The following MTSS1 variants were observed in gnomAD, a reference collection of about 807,000 sequenced individuals.
MTSS1 encodes protein MTSS 1.
A neutral mutation model predicts 79.0 loss-of-function variants in MTSS1; 18 were observed. That is an observed-to-expected ratio of 0.23 (90% CI 0.16 to 0.34). The LOEUF (loss-of-function observed/expected upper bound fraction) is 0.34. Among genes scored for constraint, MTSS1 ranks in the 10% least tolerant of loss-of-function variants. The probability of loss-of-function intolerance (pLI) is 1.00; values close to 1 mark genes in which losing one functional copy is unlikely to be tolerated. For missense variants in MTSS1, 815 were observed against 986.2 expected, an observed-to-expected ratio of 0.83 and a Z score of 2.33; for synonymous variants, 341 against 368.6, an observed-to-expected ratio of 0.93 and a Z score of 0.86.
chr8:124,727,781 A>C lies in MTSS1; in HGVS notation c.72+103T>G. Reference sequence around the variant, plus strand: ...GCTCCCGCAGGTGGCCGGTGGCCACACTGCAGGGAAGGGCCGGGTGCCCGG... The same window carrying C: ...GCTCCCGCAGGTGGCCGGTGGCCACCCTGCAGGGAAGGGCCGGGTGCCCGG... On this transcript the variant is annotated intron_variant, in intron 1 of 13. Transcript: ENST00000518547. The surrounding 1 kb of genome is among the most constrained non-coding windows in gnomAD (Gnocchi z 4.7). 1.6e-5 allele frequency: 15 copies of C among 958,716 alleles called. No homozygotes were observed. The highest frequency in any genetic ancestry group is 3.8e-5 in the South Asian group (2 of 53,280). 59.4% of individuals were successfully genotyped at this position (958,716 alleles called of 1,614,324 possible). A position where few individuals can be genotyped will look rare whatever the true frequency, so the allele number is the denominator to read the frequency against.
intron 3 of MTSS1, among the ~76,000 whole-genome samples, chr8:124,610,001 G>C (rs1835516920): frequency 6.6e-6 from 1 of 152,160 alleles, no homozygotes; most frequent in Middle Eastern, 3.2e-3. Flanking sequence ...GGACCATAAA[G>C]CTGTGAGCTC....
chr8:124,558,571 C>T, intron 10 of MTSS1: 3 of 1,228,802 alleles, frequency 2.4e-6, no homozygotes, highest in African/African-American at 1.5e-5. Flanking sequence ...TCAGCCTTGT[C>T]CCACCCTCTG....
intron 1 of MTSS1, among the ~76,000 whole-genome samples, chr8:124,725,971 AAAAC>A (rs1441358179): frequency 6.7e-6 from 1 of 148,330 alleles, no homozygotes; most frequent in Non-Finnish European, 1.5e-5. Flanking sequence ...TTTTACTGCC[AAAAC>A]AAACAAACCA....
chr8:124,711,435 T>C (rs535021953), intron 1 of MTSS1, among the ~76,000 whole-genome samples: 38 of 152,258 alleles, frequency 2.5e-4, no homozygotes, highest in Admixed American at 6.5e-5. Flanking sequence ...GGATGCCAGA[T>C]CTGACTTTGC....
In MTSS1 at chr8:124,647,604, T is replaced by TAA. The variant is rs11394288; in HGVS notation, c.208+51920_208+51921dup. ...ATCCTCAATAAAGCATGTTCTAATA[T>TAA]AAAAAAAAAGATGTGTGGCATGTTG... On this transcript the variant is annotated intron_variant, in intron 3 of 13. Coordinates refer to ENST00000518547, the MANE Select transcript of MTSS1 (RefSeq NM_014751.6). 5.6e-3 allele frequency among the ~76,000 whole-genome samples: 845 copies of TAA among 151,342 alleles called. 7 individuals are homozygous for TAA. Among genetic ancestry groups the TAA allele is most frequent in the African/African-American group, 0.017 (705 of 41,194 alleles).
In MTSS1 at chr8:124,551,301, T is replaced by C. The variant is rs143079122; in HGVS notation, c.*1691A>G. 1 of 152,822 alleles carries C rather than the reference T, an allele frequency of 6.5e-6. No individual in the cohort carries two copies. The highest frequency in any genetic ancestry group is 2.4e-5 in the African/African-American group (1 of 41,596). The allele number at this position is 152,822 out of a possible 1,614,324, so 9.5% of individuals were successfully genotyped here. A position where few individuals can be genotyped will look rare whatever the true frequency, so the allele number is the denominator to read the frequency against. On this transcript the variant is annotated 3_prime_UTR_variant, in exon 14 of 14. Transcript: ENST00000518547. Reference sequence around the variant, plus strand: ...AAACCACAGGCACTACTGTTGTTTATATTCTGTAAAAGGAGCTTGTTTTTC... The same window carrying C: ...AAACCACAGGCACTACTGTTGTTTACATTCTGTAAAAGGAGCTTGTTTTTC...
At chr8:124,624,186 AG>A (rs1392664498) in intron 3 of MTSS1, among the ~76,000 whole-genome samples, 1 of 152,232 alleles carries the variant, frequency 6.6e-6, no homozygotes, top group East Asian at 1.9e-4. Context: ...CAGAAGAAGA[AG>A]ACAGCCCCCG....
intron 3 of MTSS1, among the ~76,000 whole-genome samples, chr8:124,612,526 T>C (rs1176240974): frequency 6.6e-6 from 1 of 151,992 alleles, no homozygotes; most frequent in Admixed American, 6.6e-5. Context: ...ATCAGGGATC[T>C]TCTTGTCTTA....
At chr8:124,627,945 T>A in intron 3 of MTSS1, among the ~76,000 whole-genome samples, 1 of 152,170 alleles carries the variant, frequency 6.6e-6, no homozygotes, top group African/African-American at 2.4e-5. Flanking sequence ...GGTGGGCAGA[T>A]TACTTGAGGT....
chr8:124,617,686 C>T (rs545919565), intron 3 of MTSS1, among the ~76,000 whole-genome samples: 1 of 152,274 alleles, frequency 6.6e-6, no homozygotes, highest in Admixed American at 6.5e-5. Flanking sequence ...GCTCACCTAC[C>T]TGATCATGCC....
rs1309963914 is a variant in MTSS1 at position 124,683,265 on chromosome 8, AT to A, written c.208+16260del. Among the ~76,000 whole-genome samples the A allele has an allele frequency of 2.6e-5, 4 of 152,224 alleles. No homozygotes were observed. Among genetic ancestry groups the A allele is most frequent in the Admixed American group, 2.0e-4 (3 of 15,288 alleles). ...CAGCCCACAATTTTAAAAAAATGAA[AT>A]TTAAAAAATGGAAGAAAAACAATGA... On this transcript the variant is annotated intron_variant, in intron 3 of 13. Transcript: ENST00000518547. The surrounding 1 kb of genome is among the most constrained non-coding windows in gnomAD (Gnocchi z 4.5).
chr8:124,640,559 TTTGAGATGGAGACTCGCTC>T (rs1364790274), intron 3 of MTSS1, among the ~76,000 whole-genome samples: 1 of 152,216 alleles, frequency 6.6e-6, no homozygotes, highest in Non-Finnish European at 1.5e-5. Flanking sequence ...TTGTTTTGTT[TTTGAGATGGAGACTCGCTC>T]TGTCACCCAG....
Position 124,723,305 on chromosome 8 carries a change from T to C in MTSS1, c.72+4579A>G, listed in dbSNP as rs562379925. Among the ~76,000 whole-genome samples, 4 of 152,320 alleles carry C rather than the reference T, an allele frequency of 2.6e-5. No homozygotes were observed. The East Asian group carries it at 5.8e-4, about 22-fold the overall frequency. ...CTCAATAAATACTACGGAATGAGTA[T>C]ATGTTACTCTAGTAAGAACTGGGCA... On this transcript the variant is annotated intron_variant, in intron 1 of 13. Transcript: ENST00000518547.
chr8:124,562,776 C>A lies in MTSS1; in HGVS notation c.1035+6G>T. 6.2e-7 allele frequency: 1 copy of A among 1,613,532 alleles called. No individual in the cohort carries two copies. Among genetic ancestry groups the A allele is most frequent in the East Asian group, 2.2e-5 (1 of 44,864 alleles). ...CAGCTGCTCCTGGAGCCAAGGGCAC[C>A]CTTACCTGGTTGGGGGCCTCTGGCG... On this transcript the variant is annotated splice_donor_region_variant and intron_variant, in intron 10 of 13. Transcript: ENST00000518547.
intron 3 of MTSS1, among the ~76,000 whole-genome samples, chr8:124,636,744 C>T (rs962939266): frequency 2.0e-5 from 3 of 152,174 alleles, no homozygotes; most frequent in African/African-American, 7.2e-5. Flanking sequence ...AAGCACCCAT[C>T]GCCATTGGAG....
At chr8:124,603,651 G>A (rs191110698) in intron 3 of MTSS1, among the ~76,000 whole-genome samples, 2 of 152,254 alleles carry the variant, frequency 1.3e-5, no homozygotes, top group African/African-American at 4.8e-5. Flanking sequence ...AGGGAGGGGA[G>A]GCAGAGAGGG....
intron 3 of MTSS1, among the ~76,000 whole-genome samples, chr8:124,611,900 C>A (rs1461029685): frequency 6.6e-6 from 1 of 152,172 alleles, no homozygotes; most frequent in Admixed American, 6.5e-5. Context: ...GAAGATGGCA[C>A]CTGTGAACAG....
chr8:124,593,349 A>G (rs1196467939), intron 3 of MTSS1, among the ~76,000 whole-genome samples: 3 of 152,262 alleles, frequency 2.0e-5, no homozygotes, highest in African/African-American at 7.2e-5. Context: ...AAAATGTGGT[A>G]GCGTCTATCA....
intron 3 of MTSS1, among the ~76,000 whole-genome samples, chr8:124,605,610 C>CTCGCTGCCTCCCTCCCTGCCCTT (rs1834681834): frequency 6.9e-6 from 1 of 144,192 alleles, no homozygotes; most frequent in Non-Finnish European, 1.5e-5. Context: ...TCCCTGCCCT[C>CTCGCTGCCTCCCTCCCTGCCCTT]GCGCTGCCTC....
Sources: allele counts gnomAD v4.1 joint callset (sites outside exome capture counted in the v4.1 genomes callset), GRCh38; gene constraint gnomAD v4.1.1; non-coding constraint Gnocchi (gnomAD v3.1); transcripts MANE v1.5; gene names NCBI Gene and HGNC (gene_info 2026-07-23, HGNC 2026-07-21).